STAU2: variants seen among roughly 807,000 people sequenced by gnomAD.
STAU2 encodes staufen double-stranded RNA binding protein 2.
STAU2 carries 20 observed loss-of-function variants against 65.9 expected under a neutral mutation model. That is an observed-to-expected ratio of 0.30 (90% CI 0.21 to 0.44). The LOEUF is 0.44. Among genes scored for constraint, STAU2 ranks in the 20% least tolerant of loss-of-function variants. The pLI, the probability that STAU2 is intolerant of heterozygous loss-of-function variation, is 1.00. For missense variants in STAU2, 558 were observed against 683.9 expected, an observed-to-expected ratio of 0.82 and a Z score of 2.05; for synonymous variants, 232 against 233.9, an observed-to-expected ratio of 0.99 and a Z score of 0.07.
At chr8:73,531,759 G>A (rs913227573) in intron 13 of STAU2, among the ~76,000 whole-genome samples, 2 of 152,108 alleles carry the variant, frequency 1.3e-5, no homozygotes, top group African/African-American at 4.8e-5. Context: ...AATAATTAGG[G>A]CAACAAAATT....
intron 6 of STAU2, among the ~76,000 whole-genome samples, chr8:73,649,608 T>C (rs894297983): frequency 1.3e-5 from 2 of 152,140 alleles, no homozygotes; most frequent in East Asian, 3.9e-4. Context: ...GTCAAGTAAC[T>C]ATCAAATAGG....
chr8:73,506,068 A>G (rs566305665), intron 13 of STAU2, among the ~76,000 whole-genome samples: 7 of 152,144 alleles, frequency 4.6e-5, no homozygotes, highest in African/African-American at 7.2e-5. Flanking sequence ...CCCTTGCTGT[A>G]TAGCCTGCAG....
At chr8:73,519,748 T>C (rs1409079116) in intron 13 of STAU2, among the ~76,000 whole-genome samples, 1 of 152,232 alleles carries the variant, frequency 6.6e-6, no homozygotes, top group African/African-American at 2.4e-5. Context: ...AATTCCATCC[T>C]ATAAACACAT....
chr8:73,633,444 G>A (rs1814250195), intron 6 of STAU2, among the ~76,000 whole-genome samples: 1 of 152,182 alleles, frequency 6.6e-6, no homozygotes, highest in South Asian at 2.1e-4. Context: ...TGGGAGTAAA[G>A]CAATCAGGAC....
At chr8:73,556,713 C>T (rs917683370) in intron 12 of STAU2, among the ~76,000 whole-genome samples, 6 of 152,232 alleles carry the variant, frequency 3.9e-5, no homozygotes, top group African/African-American at 7.2e-5. Flanking sequence ...GCCAAGATCA[C>T]GCCACTGCAC....
chr8:73,579,424 T>G (rs571590878), intron 12 of STAU2, among the ~76,000 whole-genome samples: 2 of 152,206 alleles, frequency 1.3e-5, no homozygotes, highest in African/African-American at 4.8e-5. Context: ...TTCAAGAAAC[T>G]ATGAACCTGC....
At chr8:73,651,646 C>G in intron 6 of STAU2, 1 of 557,732 alleles carries the variant, frequency 1.8e-6, no homozygotes. Flanking sequence ...ACAAGAGGCC[C>G]TGGCCTCTGA....
At chr8:73,635,938 ACACACACACACACC>A (rs777628118) in intron 6 of STAU2, among the ~76,000 whole-genome samples, 25 of 119,486 alleles carry the variant, frequency 2.1e-4, no homozygotes, top group African/African-American at 5.5e-4. Context: ...ACACACACAC[ACACACACACACACC>A]CCTGGAACCA....
intron 6 of STAU2, among the ~76,000 whole-genome samples, chr8:73,637,325 A>C (rs1250150204): frequency 6.6e-6 from 1 of 151,614 alleles, no homozygotes; most frequent in Non-Finnish European, 1.5e-5. Flanking sequence ...AAACCACACA[A>C]GATATGTTAT....
At chr8:73,480,195 T>C (rs1473635779) in intron 13 of STAU2, among the ~76,000 whole-genome samples, 3 of 152,094 alleles carry the variant, frequency 2.0e-5, no homozygotes, top group Admixed American at 1.3e-4. Context: ...CCCAATATCC[T>C]CAATGCCCTG....
intron 3 of STAU2, chr8:73,732,472 G>A (rs1430205587): frequency 6.6e-6 from 1 of 152,202 alleles, no homozygotes; most frequent in Non-Finnish European, 1.5e-5. Flanking sequence ...TTGGAAGCTG[G>A]CTACATATAA....
chr8:73,481,516 C>CAAAAAAAAAAA (rs33917654), intron 13 of STAU2, among the ~76,000 whole-genome samples: 5 of 137,632 alleles, frequency 3.6e-5, no homozygotes, highest in Admixed American at 7.2e-5. Flanking sequence ...AACAAAAAAA[C>CAAAAAAAAAAA]AAAAAAAAAA....
intron 6 of STAU2, among the ~76,000 whole-genome samples, chr8:73,635,393 G>C (rs949298610): frequency 3.3e-5 from 5 of 152,004 alleles, no homozygotes; most frequent in African/African-American, 1.2e-4. Flanking sequence ...TCTTTTAATA[G>C]CTTGAATTTG....
intron 5 of STAU2, among the ~76,000 whole-genome samples, chr8:73,687,927 G>A (rs765373356): frequency 2.7e-5 from 4 of 150,860 alleles, no homozygotes; most frequent in Non-Finnish European, 3.0e-5. Context: ...TGTTAGCCAG[G>A]ATGGTCTCAA....
At chr8:73,644,497 A>G (rs1375370858) in intron 6 of STAU2, among the ~76,000 whole-genome samples, 1 of 152,054 alleles carries the variant, frequency 6.6e-6, no homozygotes, top group Non-Finnish European at 1.5e-5. Flanking sequence ...AAGAAAGAAA[A>G]GACGAAACGT....
At chr8:73,700,349 G>T (rs1402118843) in intron 4 of STAU2, among the ~76,000 whole-genome samples, 1 of 151,412 alleles carries the variant, frequency 6.6e-6, no homozygotes, top group Non-Finnish European at 1.5e-5. Context: ...AGAAAGAAAG[G>T]GCATCCAAAT....
chr8:73,746,861 G>A (rs1329697479), upstream of STAU2: 17 of 1,208,028 alleles, frequency 1.4e-5, no homozygotes, highest in Non-Finnish European at 1.5e-5. Context: ...GGCCGCCGCC[G>A]GCTTCCACCC....
At chr8:73,651,428 C>A (rs1815867940) in intron 6 of STAU2, 2 of 666,546 alleles carry the variant, frequency 3.0e-6, no homozygotes, top group Non-Finnish European at 2.8e-6. Flanking sequence ...AACCTGGTTT[C>A]AAAATCGCCG....
chr8:73,617,692 A>C (rs1336649195), intron 6 of STAU2, among the ~76,000 whole-genome samples: 1 of 152,156 alleles, frequency 6.6e-6, no homozygotes, highest in African/African-American at 2.4e-5. Context: ...ATACAGTAAA[A>C]ATTATTTAAT....
Sources: gnomAD v4.1 joint callset for allele counts (sites outside exome capture counted in the v4.1 genomes callset) on GRCh38, gnomAD v4.1.1 for gene constraint, MANE v1.5 for transcripts, NCBI Gene and HGNC (gene_info 2026-07-23, HGNC 2026-07-21) for gene names.